CENPW: variants seen among roughly 807,000 people sequenced by gnomAD.
CENPW encodes centromere protein W, also known as cancer-up-regulated gene 2 protein.
CENPW carries 3 observed loss-of-function variants against 11.1 expected under a neutral mutation model. The ratio of observed to expected loss-of-function variants is 0.27; its 90% CI spans 0.12 to 0.70. The LOEUF is 0.70. CENPW is among the 30% of genes least tolerant of loss of function. The pLI is 0.77. For missense variants in CENPW, 100 were observed against 105.6 expected, an observed-to-expected ratio of 0.95 and a Z score of 0.23; for synonymous variants, 38 against 42.0, an observed-to-expected ratio of 0.91 and a Z score of 0.37.
At chr6:126,374,721 A>G in the CENPW span, among the ~76,000 whole-genome samples, 1 of 152,194 alleles carries the variant, frequency 6.6e-6, no homozygotes, top group Non-Finnish European at 1.5e-5. Context: ...AGTAGTTACA[A>G]TGGCCTCCAC....
At chr6:126,401,599 AT>A in the CENPW span, among the ~76,000 whole-genome samples, 1 of 151,154 alleles carries the variant, frequency 6.6e-6, no homozygotes, top group African/African-American at 2.4e-5. Context: ...GCTCTATTGG[AT>A]TTTTTAAACC....
chr6:126,412,087 C>CTCCT, the CENPW span, among the ~76,000 whole-genome samples: 3 of 23,546 alleles, frequency 1.3e-4, no homozygotes, highest in Non-Finnish European at 1.8e-4. Context: ...CTCTCTCTCT[C>CTCCT]TCCTTCCTTC....
At chr6:126,473,550 G>A in the CENPW span, among the ~76,000 whole-genome samples, 1 of 151,882 alleles carries the variant, frequency 6.6e-6, no homozygotes, top group South Asian at 2.1e-4. Flanking sequence ...TGGCCAACAT[G>A]GTGAAACCTG....
At chr6:126,373,550 T>A in the CENPW span, among the ~76,000 whole-genome samples, 365 of 152,354 alleles carry the variant, frequency 2.4e-3, no homozygotes, top group Non-Finnish European at 4.4e-3. Flanking sequence ...GCTGGGCAGT[T>A]CTTCTGCTGG....
At chr6:126,419,751 C>A in the CENPW span, among the ~76,000 whole-genome samples, 1 of 152,144 alleles carries the variant, frequency 6.6e-6, no homozygotes, top group African/African-American at 2.4e-5. Context: ...CTAGACACTT[C>A]CTGTATTCTT....
the CENPW span, among the ~76,000 whole-genome samples, chr6:126,459,198 C>T: frequency 6.6e-6 from 1 of 151,304 alleles, no homozygotes; most frequent in African/African-American, 2.4e-5. Context: ...CTGCTATTCT[C>T]CATTCCGATT....
chr6:126,461,318 T>C, the CENPW span, among the ~76,000 whole-genome samples: 1 of 151,934 alleles, frequency 6.6e-6, no homozygotes, highest in Non-Finnish European at 1.5e-5. Context: ...GAAGGTCCAA[T>C]AAACCTCCTT....
the CENPW span, among the ~76,000 whole-genome samples, chr6:126,431,411 A>C: frequency 2.6e-5 from 4 of 152,360 alleles, no homozygotes; most frequent in African/African-American, 9.6e-5. Context: ...CTGGCTAAAC[A>C]CAATGTATGA....
At chr6:126,354,841 T>C in the CENPW span, among the ~76,000 whole-genome samples, 1 of 152,152 alleles carries the variant, frequency 6.6e-6, no homozygotes, top group Non-Finnish European at 1.5e-5. Flanking sequence ...GTGGTACGTA[T>C]ACTCCAACTA....
chr6:126,402,767 G>C, the CENPW span, among the ~76,000 whole-genome samples: 1 of 151,886 alleles, frequency 6.6e-6, no homozygotes, highest in Non-Finnish European at 1.5e-5. Context: ...GTTGATGAAC[G>C]TTTGAGTTGT....
the CENPW span, among the ~76,000 whole-genome samples, chr6:126,415,117 G>T: frequency 6.6e-6 from 1 of 151,864 alleles, no homozygotes; most frequent in East Asian, 1.9e-4. Context: ...CCACTTCAGT[G>T]TGCAGTCCAT....
chr6:126,403,722 G>A, the CENPW span, among the ~76,000 whole-genome samples: 1 of 152,054 alleles, frequency 6.6e-6, no homozygotes, highest in Non-Finnish European at 1.5e-5. Context: ...TGCTGATATA[G>A]AAGCTAAAAT....
chr6:126,418,347 C>G, the CENPW span, among the ~76,000 whole-genome samples: 10 of 152,166 alleles, frequency 6.6e-5, no homozygotes, highest in Non-Finnish European at 1.2e-4. Flanking sequence ...ACTTAATAGT[C>G]CATTAATCAG....
the CENPW span, among the ~76,000 whole-genome samples, chr6:126,413,209 G>T: frequency 6.6e-6 from 1 of 151,942 alleles, no homozygotes. Context: ...GAGAAATTTG[G>T]ACATCCATAA....
the CENPW span, among the ~76,000 whole-genome samples, chr6:126,458,949 G>A: frequency 2.6e-5 from 4 of 151,364 alleles, no homozygotes; most frequent in African/African-American, 7.3e-5. Context: ...CCTGCCTACA[G>A]TTTCTTCATG....
chr6:126,362,898 G>C, the CENPW span, among the ~76,000 whole-genome samples: 6 of 152,164 alleles, frequency 3.9e-5, no homozygotes, highest in Non-Finnish European at 8.8e-5. Flanking sequence ...TACTGCTGGT[G>C]AAAGATGGTT....
the CENPW span, among the ~76,000 whole-genome samples, chr6:126,438,196 C>T: frequency 2.0e-5 from 3 of 151,624 alleles, no homozygotes; most frequent in African/African-American, 7.3e-5. Context: ...ACTTTTCACA[C>T]TTTATTTTAT....
At chr6:126,375,404 T>C in the CENPW span, among the ~76,000 whole-genome samples, 1 of 152,220 alleles carries the variant, frequency 6.6e-6, no homozygotes, top group Non-Finnish European at 1.5e-5. Context: ...CAGGTCATTT[T>C]AGATTCTGTG....
chr6:126,363,431 A>G, the CENPW span, among the ~76,000 whole-genome samples: 2 of 152,240 alleles, frequency 1.3e-5, no homozygotes, highest in Non-Finnish European at 2.9e-5. Flanking sequence ...TTGGACCTAA[A>G]TAGTAGCTTC....
Sources: allele counts gnomAD v4.1 joint callset (sites outside exome capture counted in the v4.1 genomes callset), GRCh38; gene constraint gnomAD v4.1.1; transcripts MANE v1.5; gene names NCBI Gene and HGNC (gene_info 2026-07-23, HGNC 2026-07-21).